The following PPFIA2 variants were observed in gnomAD, a reference collection of about 807,000 sequenced individuals.
The protein encoded by PPFIA2 is liprin-alpha-2.
Under a neutral mutation model 175.5 loss-of-function variants are expected in PPFIA2, and 46 were observed. The ratio of observed to expected loss-of-function variants is 0.26; its 90% CI spans 0.21 to 0.34. PPFIA2 has a LOEUF of 0.34. Ranked by LOEUF, PPFIA2 falls within the 10% of genes least tolerant of loss-of-function variation. PPFIA2 has a pLI of 1.00. For synonymous variants in PPFIA2, 568 were observed against 511.4 expected (o/e 1.11, Z -1.49); for missense variants, 1,179 against 1,506.1 (o/e 0.78, Z 3.60).
chr12:81,343,425 A>G (rs752525248), intron 19 of PPFIA2, among the ~76,000 whole-genome samples: 1 of 152,132 alleles, frequency 6.6e-6, no homozygotes, highest in Non-Finnish European at 1.5e-5. Context: ...TGGTAGTGTT[A>G]AGGAGAAGAG....
chr12:81,645,190 AGAAGGAAG>A (rs898209332), intron 4 of PPFIA2, among the ~76,000 whole-genome samples: 3 of 151,934 alleles, frequency 2.0e-5, no homozygotes, highest in Non-Finnish European at 4.4e-5. Context: ...AGGGAAAGAG[AGAAGGAAG>A]GAAGGAAGGA....
intron 4 of PPFIA2, among the ~76,000 whole-genome samples, chr12:81,611,737 G>T (rs934701326): frequency 6.6e-6 from 1 of 152,142 alleles, no homozygotes; most frequent in Non-Finnish European, 1.5e-5. Flanking sequence ...GGGCCCAAGT[G>T]ATGGGCGTTT....
chr12:81,551,311 T>A (rs538462236), intron 4 of PPFIA2, among the ~76,000 whole-genome samples: 2 of 152,080 alleles, frequency 1.3e-5, no homozygotes, highest in African/African-American at 4.8e-5. Context: ...AGGTGCTGCA[T>A]TATTAAATTT....
chr12:81,310,991 A>G (rs1594569474), intron 22 of PPFIA2, among the ~76,000 whole-genome samples: 1 of 152,322 alleles, frequency 6.6e-6, no homozygotes, highest in East Asian at 1.9e-4. Flanking sequence ...ATCTCATTGC[A>G]GTCATTTTAT....
At chr12:81,403,536 G>C (rs1470918076) in intron 8 of PPFIA2, among the ~76,000 whole-genome samples, 1 of 152,174 alleles carries the variant, frequency 6.6e-6, no homozygotes, top group African/African-American at 2.4e-5. Context: ...ATTGGTTGCT[G>C]CCAGTGCCAG....
chr12:81,545,948 A>T (rs944475603), intron 4 of PPFIA2: 11 of 152,026 alleles, frequency 7.2e-5, no homozygotes, highest in African/African-American at 2.4e-4. Context: ...AACATGGTGA[A>T]ACCTGTCTCT....
chr12:81,311,732 C>CAAAAAAAAAAA (rs1050904857), intron 22 of PPFIA2, among the ~76,000 whole-genome samples: 1 of 48,384 alleles, frequency 2.1e-5, no homozygotes, highest in Non-Finnish European at 4.0e-5. Context: ...GACTCTGTCT[C>CAAAAAAAAAAA]AAAAAAAAAA....
At chr12:81,273,755 G>A (rs529839988) in intron 28 of PPFIA2, among the ~76,000 whole-genome samples, 1 of 152,074 alleles carries the variant, frequency 6.6e-6, no homozygotes, top group South Asian at 2.1e-4. Context: ...AGATAATAAG[G>A]AATATGAGAG....
intron 3 of PPFIA2, among the ~76,000 whole-genome samples, chr12:81,735,444 TC>T (rs1159807658): frequency 6.6e-6 from 1 of 151,876 alleles, no homozygotes. Context: ...AATTGGGTTT[TC>T]CTCTTCTTAT....
At chr12:81,552,003 T>C (rs1275710090) in intron 4 of PPFIA2, among the ~76,000 whole-genome samples, 2 of 151,748 alleles carry the variant, frequency 1.3e-5, no homozygotes, top group Non-Finnish European at 2.9e-5. Flanking sequence ...TCTAAGAAAT[T>C]ATTTCAGTAT....
At chr12:81,709,785 T>C (rs113994465) in intron 3 of PPFIA2, among the ~76,000 whole-genome samples, 2,310 of 152,160 alleles carry the variant, frequency 0.015, 30 homozygotes, top group South Asian at 0.042. Context: ...TAAATAGTAG[T>C]TTGTCTCTTA....
intron 4 of PPFIA2, among the ~76,000 whole-genome samples, chr12:81,562,340 C>T (rs1409445043): frequency 6.6e-6 from 1 of 151,932 alleles, no homozygotes; most frequent in Non-Finnish European, 1.5e-5. Context: ...ATAATTATAG[C>T]CAAAAATAAT....
chr12:81,746,426 G>A (rs1000111252), intron 3 of PPFIA2, among the ~76,000 whole-genome samples: 1 of 143,566 alleles, frequency 7.0e-6, no homozygotes, highest in African/African-American at 2.4e-5. Flanking sequence ...TGGTGATAGC[G>A]AACATTCTGA....
chr12:81,311,655 C>T (rs1003960173), intron 22 of PPFIA2, among the ~76,000 whole-genome samples: 33 of 150,796 alleles, frequency 2.2e-4, no homozygotes, highest in African/African-American at 5.1e-4. Context: ...ATGGCATGAA[C>T]CTGGGAGGCG....
chr12:81,757,312 A>G (rs2084846022), intron 2 of PPFIA2, among the ~76,000 whole-genome samples: 1 of 152,208 alleles, frequency 6.6e-6, no homozygotes, highest in South Asian at 2.1e-4. Flanking sequence ...TATCAATACT[A>G]AAAACTGCAT....
intron 7 of PPFIA2, among the ~76,000 whole-genome samples, chr12:81,415,210 A>ATATATAT (rs1369968949): frequency 5.8e-5 from 1 of 17,348 alleles, no homozygotes; most frequent in Non-Finnish European, 1.0e-4. Context: ...AAAAAAAAAA[A>ATATATAT]ATATATATAT....
intron 4 of PPFIA2, among the ~76,000 whole-genome samples, chr12:81,560,648 T>C (rs778274556): frequency 3.3e-5 from 5 of 152,154 alleles, no homozygotes; most frequent in Non-Finnish European, 5.9e-5. Flanking sequence ...TGAGCTTAAA[T>C]GTGTTCAAAA....
intron 4 of PPFIA2, 22 bp downstream of exon 4, chr12:81,676,769 T>C (rs1347770657): frequency 2.0e-6 from 3 of 1,524,662 alleles, no homozygotes; most frequent in African/African-American, 1.4e-5. Flanking sequence ...AATAGTTAAA[T>C]TTAATGAAGA....
At chr12:81,376,071 T>C in intron 9 of PPFIA2, 129 bp from the exon 10 acceptor site, 1 of 841,536 alleles carries the variant, frequency 1.2e-6, no homozygotes, top group Non-Finnish European at 1.8e-6. Flanking sequence ...TCCTTTCTTT[T>C]CATTGAACGA....
Sources: gnomAD v4.1 joint callset for allele counts (sites outside exome capture counted in the v4.1 genomes callset) on GRCh38, gnomAD v4.1.1 for gene constraint, MANE v1.5 for transcripts, NCBI Gene and HGNC (gene_info 2026-07-23, HGNC 2026-07-21) for gene names.